Variants in KAZN observed in about 807,000 individuals in gnomAD.
KAZN encodes kazrin.
A neutral mutation model predicts 87.4 loss-of-function variants in KAZN; 40 were observed. The ratio of observed to expected loss-of-function variants is 0.46; its 90% CI spans 0.36 to 0.60. The LOEUF is 0.60. Among genes scored for constraint, KAZN ranks in the 20% least tolerant of loss-of-function variants. KAZN has a pLI of 0.00. For missense variants in KAZN, 898 were observed against 1,073.9 expected (o/e 0.84, Z 2.29); for synonymous variants, 466 against 458.3 (o/e 1.02, Z -0.22).
At chr1:13,928,846 CT>C (rs35452839) in intron 1 of KAZN, among the ~76,000 whole-genome samples, 30,854 of 146,792 alleles carry the variant, frequency 0.21, 3,287 homozygotes, top group South Asian at 0.34. Flanking sequence ...TTGAAGAAAT[CT>C]TTTTTTTTTT....
intron 2 of KAZN, among the ~76,000 whole-genome samples, chr1:14,315,013 G>A (rs12044103): frequency 0.15 from 23,359 of 151,920 alleles, 3,506 homozygotes; most frequent in African/African-American, 0.4. Context: ...ATTCCTTTAT[G>A]TTGCTGAATA....
chr1:14,533,810 T>C (rs1009554285), intron 2 of KAZN, among the ~76,000 whole-genome samples: 5 of 152,162 alleles, frequency 3.3e-5, no homozygotes, highest in Admixed American at 2.0e-4. Flanking sequence ...GACATTTTTG[T>C]TGGGAGACTT....
chr1:14,788,118 C>A (rs1295755461), intron 1 of KAZN, among the ~76,000 whole-genome samples: 1 of 152,162 alleles, frequency 6.6e-6, no homozygotes, highest in Non-Finnish European at 1.5e-5. Flanking sequence ...TTAAAGCACA[C>A]ACAGGGCACT....
At chr1:14,250,653 G>GC (rs991530738) in intron 2 of KAZN, among the ~76,000 whole-genome samples, 7 of 151,742 alleles carry the variant, frequency 4.6e-5, no homozygotes, top group Non-Finnish European at 8.8e-5. Flanking sequence ...GAGCTTGGGG[G>GC]CTTTAGTTGT....
chr1:14,257,097 C>A (rs1327102051), intron 2 of KAZN, among the ~76,000 whole-genome samples: 4 of 152,198 alleles, frequency 2.6e-5, no homozygotes, highest in South Asian at 2.1e-4. Context: ...TATAATTTAT[C>A]CTTATTTTTG....
intron 1 of KAZN, among the ~76,000 whole-genome samples, chr1:14,606,468 C>G (rs1677367560): frequency 6.6e-6 from 1 of 152,158 alleles, no homozygotes; most frequent in South Asian, 2.1e-4. Flanking sequence ...CCACTTATCA[C>G]TAATAAAAAG....
At chr1:14,829,165 A>G (rs189839759) in intron 1 of KAZN, among the ~76,000 whole-genome samples, 1 of 152,320 alleles carries the variant, frequency 6.6e-6, no homozygotes, top group Admixed American at 6.5e-5. Context: ...TAGTGTCGTG[A>G]CTGACTCACG....
chr1:14,371,424 G>A (rs1660476034), intron 2 of KAZN, among the ~76,000 whole-genome samples: 1 of 152,130 alleles, frequency 6.6e-6, no homozygotes, highest in South Asian at 2.1e-4. Flanking sequence ...CCCACCCCCT[G>A]CAGCTGAGAT....
At chr1:15,001,843 TCCC>T (rs1668508436) in intron 2 of KAZN, among the ~76,000 whole-genome samples, 1 of 147,922 alleles carries the variant, frequency 6.8e-6, no homozygotes, top group African/African-American at 2.5e-5. Context: ...TCTGGCGATG[TCCC>T]TCTTGGCCCC....
rs140276130 is a variant in KAZN, at chr1:14,678,964, G to A, written c.226+79741G>A. 1.3e-3 allele frequency among the ~76,000 whole-genome samples: 203 copies of A among 152,278 alleles called. 1 individual carries two copies. In the East Asian group the frequency reaches 0.035, roughly 26 times the overall value. ...AGATTAATTACATAATCCCAAAAACGTATAATTACAGATTGTGGTAAATGC... is the reference window on the plus strand; with the variant it reads ...AGATTAATTACATAATCCCAAAAACATATAATTACAGATTGTGGTAAATGC... On this transcript the variant is annotated intron_variant, in intron 1 of 14. Transcript: ENST00000376030.
intron 2 of KAZN, among the ~76,000 whole-genome samples, chr1:14,355,955 AT>A (rs1375107147): frequency 6.6e-6 from 1 of 152,176 alleles, no homozygotes; most frequent in Non-Finnish European, 1.5e-5. Context: ...CAGTAATGGG[AT>A]TGCTGGGTCA....
chr1:14,406,214 A>T (rs961269925), intron 2 of KAZN, among the ~76,000 whole-genome samples: 1 of 152,204 alleles, frequency 6.6e-6, no homozygotes, highest in African/African-American at 2.4e-5. Flanking sequence ...GGTACCCCCT[A>T]CATATATACA....
chr1:14,113,408 G>T (rs1644541434), intron 1 of KAZN, among the ~76,000 whole-genome samples: 1 of 152,114 alleles, frequency 6.6e-6, no homozygotes, highest in Non-Finnish European at 1.5e-5. Flanking sequence ...CTTTACATAG[G>T]TCGTGACAAG....
At chr1:14,801,217 C>T (rs1333667354) in intron 1 of KAZN, among the ~76,000 whole-genome samples, 1 of 152,086 alleles carries the variant, frequency 6.6e-6, no homozygotes, top group African/African-American at 2.4e-5. Flanking sequence ...GGTGTTTCAG[C>T]ATCATCGTGG....
At position 14,732,449 on chromosome 1, in the gene KAZN, G is replaced by A. The variant is rs186098716; in HGVS notation, c.226+133226G>A. ...AGCTCAGGAGTTCAAGACCAGCCGG[G>A]CCAATATGGTGAAACCCCCTCTCTA... On this transcript the variant is annotated intron_variant, in intron 1 of 14. Transcript: ENST00000376030. Among the ~76,000 whole-genome samples, 75 of 152,270 alleles carry A rather than the reference G, an allele frequency of 4.9e-4. 1 individual carries two copies. Among genetic ancestry groups the A allele is most frequent in the African/African-American group, 1.7e-3 (72 of 41,554 alleles).
intron 1 of KAZN, among the ~76,000 whole-genome samples, chr1:14,846,372 G>C (rs2100957192): frequency 6.6e-6 from 1 of 152,184 alleles, no homozygotes; most frequent in East Asian, 1.9e-4. Flanking sequence ...AGTGTTCCTA[G>C]GCCACAAGAG....
intron 2 of KAZN, among the ~76,000 whole-genome samples, chr1:14,419,720 G>C (rs962154155): frequency 6.6e-6 from 1 of 152,152 alleles, no homozygotes; most frequent in African/African-American, 2.4e-5. Context: ...TGAAGCCGCA[G>C]ACCTCCGCGG....
intron 2 of KAZN, among the ~76,000 whole-genome samples, chr1:14,406,979 G>C (rs929830263): frequency 1.3e-5 from 2 of 152,220 alleles, no homozygotes; most frequent in Non-Finnish European, 2.9e-5. Flanking sequence ...CTCGATAGCT[G>C]TGTACCGAAT....
intron 1 of KAZN, among the ~76,000 whole-genome samples, chr1:14,917,095 G>T (rs745587251): frequency 4.6e-5 from 7 of 152,108 alleles, no homozygotes; most frequent in Non-Finnish European, 1.0e-4. Context: ...CAGGATTTCT[G>T]CCAGGTCATT....
Sources: gnomAD v4.1 joint callset for allele counts (sites outside exome capture counted in the v4.1 genomes callset) on GRCh38, gnomAD v4.1.1 for gene constraint, MANE v1.5 for transcripts, NCBI Gene and HGNC (gene_info 2026-07-23, HGNC 2026-07-21) for gene names.